FRYL: variants seen among roughly 807,000 people sequenced by gnomAD.
FRYL encodes protein furry homolog-like.
Under a neutral mutation model 351.2 loss-of-function variants are expected in FRYL, and 150 were observed. The observed-to-expected ratio is 0.43, with a 90% CI of 0.37 to 0.49. The LOEUF (loss-of-function observed/expected upper bound fraction) is 0.49. FRYL is among the 20% of genes least tolerant of loss of function. The pLI is 0.00. For synonymous variants in FRYL, 1,153 were observed against 1,257.1 expected (o/e 0.92, Z 1.75); for missense variants, 3,036 against 3,619.3 (o/e 0.84, Z 4.13).
intron 4 of FRYL, among the ~76,000 whole-genome samples, chr4:48,624,687 G>T (rs1024406959): frequency 1.5e-4 from 23 of 152,224 alleles, no homozygotes; most frequent in African/African-American, 5.3e-4. Flanking sequence ...ATGTCAACTG[G>T]ACTGGGCCAT....
chr4:48,750,201 G>A (rs78479982), intron 1 of FRYL, among the ~76,000 whole-genome samples: 7,976 of 151,094 alleles, frequency 0.053, 372 homozygotes, highest in East Asian at 0.25. Context: ...TGGCTCACGC[G>A]TATAATACTA....
At chr4:48,551,135 C>T (rs1732660294) in intron 37 of FRYL, among the ~76,000 whole-genome samples, 1 of 151,562 alleles carries the variant, frequency 6.6e-6, no homozygotes, top group Non-Finnish European at 1.5e-5. Context: ...CATTAATTTC[C>T]ACCTTATAAT....
intron 3 of FRYL, among the ~76,000 whole-genome samples, chr4:48,658,080 C>T (rs1307664303): frequency 6.6e-6 from 1 of 152,124 alleles, no homozygotes. Flanking sequence ...CTTAGTAAAT[C>T]TCACAAAATA....
intron 55 of FRYL, among the ~76,000 whole-genome samples, chr4:48,518,371 G>A (rs1724109842): frequency 6.6e-6 from 1 of 152,084 alleles, no homozygotes; most frequent in Non-Finnish European, 1.5e-5. Context: ...AGCTTAGCTC[G>A]TTCATCTCCT....
chr4:48,581,044 ATT>A (rs755903429), intron 21 of FRYL, 93 bp from the exon 22 acceptor site: 23,912 of 488,638 alleles, frequency 0.049, no homozygotes, highest in South Asian at 0.068. Context: ...CTTCAGCACT[ATT>A]TTTTTTTTTT....
chr4:48,667,992 C>T (rs908010771), intron 3 of FRYL, among the ~76,000 whole-genome samples: 1 of 152,124 alleles, frequency 6.6e-6, no homozygotes, highest in Admixed American at 6.5e-5. Flanking sequence ...TTGTATGTAG[C>T]TCTCTGATGT....
At chr4:48,612,883 C>A (rs1394454507) in intron 7 of FRYL, among the ~76,000 whole-genome samples, 1 of 152,092 alleles carries the variant, frequency 6.6e-6, no homozygotes, top group African/African-American at 2.4e-5. Flanking sequence ...GCCACCGCAC[C>A]CGGCCAACTG....
chr4:48,730,331 A>AGTGTT (rs2149624957), intron 1 of FRYL, among the ~76,000 whole-genome samples: 1 of 152,312 alleles, frequency 6.6e-6, no homozygotes, highest in South Asian at 2.1e-4. Context: ...TATCCAGGAG[A>AGTGTT]ACTTCCCCAA....
intron 8 of FRYL, 133 bp downstream of exon 8, chr4:48,609,611 C>A (rs982981754): frequency 2.2e-5 from 10 of 459,256 alleles, no homozygotes; most frequent in Admixed American, 5.1e-5. Flanking sequence ...GAAAGTGAGA[C>A]CTTGCCTCAA....
chr4:48,688,829 A>T (rs1249229940), intron 2 of FRYL, among the ~76,000 whole-genome samples: 1 of 151,680 alleles, frequency 6.6e-6, no homozygotes, highest in Non-Finnish European at 1.5e-5. Flanking sequence ...TGCCTGGCTA[A>T]TTTTTTGTAT....
chr4:48,738,993 T>A (rs528545276), intron 1 of FRYL, among the ~76,000 whole-genome samples: 2 of 152,224 alleles, frequency 1.3e-5, no homozygotes, highest in Admixed American at 1.3e-4. Context: ...GTTGGAGGAC[T>A]AACACTGCCC....
intron 7 of FRYL, among the ~76,000 whole-genome samples, chr4:48,614,748 A>C (rs1194786781): frequency 6.8e-6 from 1 of 146,478 alleles, no homozygotes; most frequent in Non-Finnish European, 1.5e-5. Flanking sequence ...AAAAAAGAGA[A>C]ACTATAATAA....
chr4:48,605,649 T>C lies in FRYL; in HGVS notation c.834+92A>G, dbSNP rs1332029938. ...TTCCCATGGCCACAGCTTATTGTCA[T>C]GTAAGTATTTTTAGGACAAAAAATA... On this transcript the variant is annotated intron_variant, in intron 11 of 63. Transcript: ENST00000358350. 5 of 845,846 alleles carry C rather than the reference T, an allele frequency of 5.9e-6. No individual in the cohort carries two copies. In the Admixed American group the frequency reaches 8.9e-5, roughly 15 times the overall value. The allele number at this position is 845,846 out of a possible 1,614,324, so 52.4% of individuals were successfully genotyped here.
At chr4:48,674,881 A>G (rs1246049668) in intron 3 of FRYL, among the ~76,000 whole-genome samples, 1 of 152,138 alleles carries the variant, frequency 6.6e-6, no homozygotes, top group Non-Finnish European at 1.5e-5. Flanking sequence ...GAGGTTCACT[A>G]AAAGTTTTAT....
chr4:48,640,575 A>G (rs577194950), intron 3 of FRYL, among the ~76,000 whole-genome samples: 3 of 152,298 alleles, frequency 2.0e-5, no homozygotes, highest in South Asian at 4.1e-4. Context: ...TATGGTGGAT[A>G]CATGTCATTA....
chr4:48,570,488 G>C (rs1322743609), intron 27 of FRYL, among the ~76,000 whole-genome samples: 1 of 152,062 alleles, frequency 6.6e-6, no homozygotes, highest in South Asian at 2.1e-4. Context: ...TTTAAAATGA[G>C]GTAAGAAAAA....
Position 48,573,168 on chromosome 4 carries a change from C to A in FRYL, c.2904+18G>T, listed in dbSNP as rs753360870. ...AAAATGAATGTTCACTAATACAAGG[C>A]TGCAGAACACAGCTCACCTCTGGCC... On this transcript the variant is annotated intron_variant, in intron 26 of 63. Coordinates refer to ENST00000358350, the MANE Select transcript of FRYL (RefSeq NM_015030.2). 1.3e-6 allele frequency: 2 copies of A among 1,593,106 alleles called. No individual in the cohort carries two copies. The highest frequency in any genetic ancestry group is 1.7e-6 in the Non-Finnish European group (2 of 1,162,100).
chr4:48,504,715 A>G (rs1439441661), intron 60 of FRYL, among the ~76,000 whole-genome samples: 2 of 152,142 alleles, frequency 1.3e-5, no homozygotes. Flanking sequence ...GGATAATTAG[A>G]GCAACTACTT....
intron 61 of FRYL, among the ~76,000 whole-genome samples, chr4:48,502,287 TC>T (rs1719865849): frequency 6.6e-6 from 1 of 152,186 alleles, no homozygotes; most frequent in African/African-American, 2.4e-5. Context: ...ACACCTGTAA[TC>T]CTAGCACTTT....
Sources: gnomAD v4.1 joint callset for allele counts (sites outside exome capture counted in the v4.1 genomes callset) on GRCh38, gnomAD v4.1.1 for gene constraint, MANE v1.5 for transcripts, NCBI Gene and HGNC (gene_info 2026-07-23, HGNC 2026-07-21) for gene names.